KLF12: variants seen among roughly 807,000 people sequenced by gnomAD.
KLF12 encodes the protein KLF transcription factor 12.
A neutral mutation model predicts 37.8 loss-of-function variants in KLF12; 9 were observed. The ratio of observed to expected loss-of-function variants is 0.24; its 90% CI spans 0.14 to 0.42. The LOEUF (loss-of-function observed/expected upper bound fraction) is 0.42, where lower values mean the gene tolerates loss of function less well. Among genes scored for constraint, KLF12 ranks in the 10% least tolerant of loss-of-function variants. The pLI is 1.00. For synonymous variants in KLF12, 208 were observed against 202.1 expected (o/e 1.03, Z -0.25); for missense variants, 411 against 516.0 (o/e 0.80, Z 1.97).
At chr13:74,105,358 T>C (rs1876597317) in intron 1 of KLF12, among the ~76,000 whole-genome samples, 1 of 152,184 alleles carries the variant, frequency 6.6e-6, no homozygotes, top group Non-Finnish European at 1.5e-5. Flanking sequence ...GTAGACTATT[T>C]CTTTAAATAA....
chr13:73,936,209 C>A (rs1206438637), intron 3 of KLF12, among the ~76,000 whole-genome samples: 1 of 152,168 alleles, frequency 6.6e-6, no homozygotes, highest in Non-Finnish European at 1.5e-5. Context: ...TCATTCAGCA[C>A]TAGATCGTGT....
At chr13:74,209,522 TCACACACACACACACA>T in the KLF12 span, among the ~76,000 whole-genome samples, 41 of 145,998 alleles carry the variant, frequency 2.8e-4, no homozygotes, top group South Asian at 8.9e-3. Context: ...AACATCTTAG[TCACACACACACACACA>T]CACACACACA....
At chr13:74,208,830 G>A in the KLF12 span, among the ~76,000 whole-genome samples, 15 of 152,120 alleles carry the variant, frequency 9.9e-5, no homozygotes, top group African/African-American at 3.4e-4. Context: ...CTTTAAAAAA[G>A]AAACACTTCT....
intron 4 of KLF12, among the ~76,000 whole-genome samples, chr13:73,830,524 T>C (rs977874445): frequency 6.6e-6 from 1 of 152,214 alleles, no homozygotes; most frequent in African/African-American, 2.4e-5. Context: ...CTATATAAGC[T>C]TGGATAATTC....
intron 1 of KLF12, among the ~76,000 whole-genome samples, chr13:74,130,110 G>A (rs1878178785): frequency 6.6e-6 from 1 of 152,220 alleles, no homozygotes; most frequent in South Asian, 2.1e-4. Flanking sequence ...CTTTTGGGAG[G>A]AGTGGTTGTG....
the KLF12 span, among the ~76,000 whole-genome samples, chr13:74,270,905 T>C: frequency 6.6e-6 from 1 of 152,098 alleles, no homozygotes; most frequent in Admixed American, 6.5e-5. Context: ...GATATTCCAG[T>C]AAATTCTCTT....
At position 73,912,913 on chromosome 13, in the gene KLF12, C is replaced by CCT. The variant is rs376143304; in HGVS notation, c.123+31066_123+31067dup. Among the ~76,000 whole-genome samples, 1,258 of 150,380 alleles carry CCT rather than the reference C, an allele frequency of 8.4e-3. 10 individuals are homozygous for CCT. The highest frequency in any genetic ancestry group is 0.028 in the African/African-American group (1,145 of 41,102). Reference sequence around the variant, plus strand: ...TTTAGGCTTCATCCTCTGGCTTCTCCCTCTCTCTCTCTCTCATATCCTTCC... The same window carrying CCT: ...TTTAGGCTTCATCCTCTGGCTTCTCCCTCTCTCTCTCTCTCTCATATCCTTCC... On this transcript the variant is annotated intron_variant, in intron 3 of 7. Coordinates refer to ENST00000377669, the MANE Select transcript of KLF12 (RefSeq NM_007249.5).
At chr13:73,886,763 G>A (rs975328760) in intron 3 of KLF12, among the ~76,000 whole-genome samples, 4 of 152,072 alleles carry the variant, frequency 2.6e-5, no homozygotes, top group South Asian at 2.1e-4. Flanking sequence ...AGGCCGAGGC[G>A]AGCGGATCAC....
chr13:73,910,201 C>T (rs1888502566), intron 3 of KLF12, among the ~76,000 whole-genome samples: 1 of 152,236 alleles, frequency 6.6e-6, no homozygotes, highest in African/African-American at 2.4e-5. Context: ...CAAATTAACA[C>T]AATCTATTTA....
intron 6 of KLF12, among the ~76,000 whole-genome samples, chr13:73,757,152 ACTT>A (rs1879228053): frequency 6.6e-6 from 1 of 152,114 alleles, no homozygotes; most frequent in Non-Finnish European, 1.5e-5. Flanking sequence ...CAAAAAAAGA[ACTT>A]CATCTGATAA....
At chr13:73,967,780 A>G (rs1056590624) in intron 2 of KLF12, among the ~76,000 whole-genome samples, 2 of 152,180 alleles carry the variant, frequency 1.3e-5, no homozygotes, top group Non-Finnish European at 1.5e-5. Context: ...AATAATCCTA[A>G]TATCTTCTAC....
intron 7 of KLF12, among the ~76,000 whole-genome samples, chr13:73,704,734 T>C (rs561080591): frequency 4.6e-5 from 7 of 152,294 alleles, no homozygotes; most frequent in Admixed American, 2.0e-4. Context: ...CACCACGCTG[T>C]GATTGAAGGT....
chr13:73,810,982 C>CTTTCTTTTTTTTTTTTTTTTTT lies in KLF12; in HGVS notation c.806+2169_806+2170insAAAAAAAAAAAAAAAAAAGAAA, dbSNP rs1555308731. 3.8e-4 allele frequency among the ~76,000 whole-genome samples: 17 copies of CTTTCTTTTTTTTTTTTTTTTTT among 44,818 alleles called. 4 individuals carry two copies. The highest frequency in any genetic ancestry group is 1.1e-3 in the African/African-American group (13 of 11,870). 29.4% of individuals were successfully genotyped at this position (44,818 alleles called of 152,430 possible). ...ATGTTTATTTTTTTAATTTTTCTTT[C>CTTTCTTTTTTTTTTTTTTTTTT]TTTTTTTTTTTTTTTTTTTTTTTTT... On this transcript the variant is annotated intron_variant, in intron 5 of 7. Transcript: ENST00000377669.
intron 4 of KLF12, among the ~76,000 whole-genome samples, chr13:73,826,418 C>T (rs754739180): frequency 2.6e-5 from 4 of 152,152 alleles, no homozygotes; most frequent in Non-Finnish European, 4.4e-5. Context: ...AGTACTTGCT[C>T]CCTCATTAAC....
At chr13:73,728,385 A>G (rs1876821805) in intron 6 of KLF12, among the ~76,000 whole-genome samples, 1 of 152,210 alleles carries the variant, frequency 6.6e-6, no homozygotes, top group African/African-American at 2.4e-5. Context: ...CCTATATACA[A>G]GATCATGTCA....
chr13:74,256,154 CAAAA>C, the KLF12 span, among the ~76,000 whole-genome samples: 1 of 75,608 alleles, frequency 1.3e-5, no homozygotes, highest in Non-Finnish European at 2.9e-5. Flanking sequence ...GACTCTGTCT[CAAAA>C]AAAAAAAAAA....
intron 1 of KLF12, among the ~76,000 whole-genome samples, chr13:73,997,008 G>T (rs1322816488): frequency 6.6e-6 from 1 of 152,176 alleles, no homozygotes; most frequent in Non-Finnish European, 1.5e-5. Context: ...TTCGTGGTTT[G>T]TCATACCATC....
At chr13:73,847,121 C>T (rs1594164644) in intron 3 of KLF12, among the ~76,000 whole-genome samples, 1 of 152,032 alleles carries the variant, frequency 6.6e-6, no homozygotes, top group East Asian at 1.9e-4. Context: ...GATCAGCATG[C>T]TATTATTTGC....
intron 1 of KLF12, among the ~76,000 whole-genome samples, chr13:74,036,785 G>A (rs1893257224): frequency 6.6e-6 from 1 of 152,192 alleles, no homozygotes; most frequent in Non-Finnish European, 1.5e-5. Context: ...ATAAGACAGG[G>A]AAGAGGATGT....
Sources: gnomAD v4.1 joint callset for allele counts (sites outside exome capture counted in the v4.1 genomes callset) on GRCh38, gnomAD v4.1.1 for gene constraint, MANE v1.5 for transcripts, NCBI Gene and HGNC (gene_info 2026-07-23, HGNC 2026-07-21) for gene names.